DPYSL3: variants seen among roughly 807,000 people sequenced by gnomAD.
DPYSL3 encodes dihydropyrimidinase-related protein 3.
DPYSL3 carries 16 observed loss-of-function variants against 66.1 expected under a neutral mutation model. The ratio of observed to expected loss-of-function variants is 0.24; its 90% CI spans 0.16 to 0.37. DPYSL3 has a LOEUF of 0.37. Among genes scored for constraint, DPYSL3 ranks in the 10% least tolerant of loss-of-function variants. The probability of loss-of-function intolerance (pLI) is 1.00; values close to 1 mark genes in which losing one functional copy is unlikely to be tolerated. For synonymous variants in DPYSL3, 338 were observed against 345.1 expected (o/e 0.98, Z 0.23); for missense variants, 738 against 916.2 (o/e 0.81, Z 2.51).
At chr5:147,421,451 T>C (rs1202629691) in intron 2 of DPYSL3, among the ~76,000 whole-genome samples, 1 of 152,192 alleles carries the variant, frequency 6.6e-6, no homozygotes, top group Non-Finnish European at 1.5e-5. Flanking sequence ...AATTTATAGA[T>C]TCAATGCTAT....
chr5:147,444,243 G>C (rs1561790707), intron 1 of DPYSL3, among the ~76,000 whole-genome samples: 1 of 152,138 alleles, frequency 6.6e-6, no homozygotes, highest in Non-Finnish European at 1.5e-5. Flanking sequence ...TAAGCCTTGT[G>C]TGATATTAGG....
Position 147,397,750 on chromosome 5 carries a change from C to A in DPYSL3, c.1719G>T (p.Leu573=). ...AGCGGCCAGCCCCCTGGGTCACGTG[C>A]AGGTTGCCATCTTCCAGCATGATCT... The part of the protein sequence containing the change: ...QGKIMLEDGN[L]HVTQGAGRFI... The change falls in exon 12 of 14, where the codon CTG becomes CTT. Residue 573 remains leucine (L), a synonymous_variant. Coordinates refer to ENST00000343218, the MANE Select transcript of DPYSL3 (RefSeq NM_001197294.2). 1 of 1,614,176 alleles carries A rather than the reference C, an allele frequency of 6.2e-7. No homozygotes were observed. The highest frequency in any genetic ancestry group is 1.1e-5 in the South Asian group (1 of 91,090).
chr5:147,504,902 T>C (rs1033804701), intron 1 of DPYSL3, among the ~76,000 whole-genome samples: 1 of 152,246 alleles, frequency 6.6e-6, no homozygotes, highest in Non-Finnish European at 1.5e-5. Context: ...TAATTTGCTC[T>C]TGGCAGGCCA....
intron 1 of DPYSL3, chr5:147,453,680 A>C: frequency 1.4e-6 from 2 of 1,440,176 alleles, no homozygotes. Flanking sequence ...CCCCGAGATC[A>C]GGTGGAGTGA....
intron 2 of DPYSL3, among the ~76,000 whole-genome samples, chr5:147,423,759 G>T (rs563807463): frequency 6.6e-6 from 1 of 152,182 alleles, no homozygotes; most frequent in Admixed American, 6.5e-5. Context: ...GTCACCCAGG[G>T]TGGAGTGCTG....
intron 6 of DPYSL3, among the ~76,000 whole-genome samples, chr5:147,411,201 A>G (rs1751845962): frequency 6.6e-6 from 1 of 152,210 alleles, no homozygotes; most frequent in Non-Finnish European, 1.5e-5. Context: ...TGATTTCATT[A>G]TCTTTGGGTG....
chr5:147,397,893 G>GGA (rs776242282), intron 11 of DPYSL3, 48 bp from the exon 12 acceptor site: 5 of 1,511,394 alleles, frequency 3.3e-6, no homozygotes, highest in Non-Finnish European at 3.6e-6. Flanking sequence ...TAGAGAAAGA[G>GGA]GAACGTACCT....
intron 6 of DPYSL3, among the ~76,000 whole-genome samples, chr5:147,410,723 C>G (rs1751835109): frequency 6.6e-6 from 1 of 152,208 alleles, no homozygotes; most frequent in African/African-American, 2.4e-5. Context: ...TACCCAAAGG[C>G]AAAGATTCCT....
chr5:147,403,071 T>C (rs1426696325), intron 8 of DPYSL3, among the ~76,000 whole-genome samples: 2 of 152,194 alleles, frequency 1.3e-5, no homozygotes, highest in Non-Finnish European at 2.9e-5. Context: ...CTGGTAATAG[T>C]TGCCTAGAAT....
At chr5:147,431,569 A>T (rs1338093856) in intron 1 of DPYSL3, among the ~76,000 whole-genome samples, 1 of 152,112 alleles carries the variant, frequency 6.6e-6, no homozygotes, top group Non-Finnish European at 1.5e-5. Flanking sequence ...TATTTCTTAC[A>T]ATTATAACCA....
intron 1 of DPYSL3, among the ~76,000 whole-genome samples, chr5:147,501,751 T>C (rs576184788): frequency 1.3e-4 from 20 of 152,216 alleles, no homozygotes; most frequent in East Asian, 5.8e-4. Context: ...AGTGCTGGGA[T>C]TACAGGCGTG....
intron 1 of DPYSL3, among the ~76,000 whole-genome samples, chr5:147,429,281 G>T (rs930910082): frequency 2.0e-5 from 3 of 152,180 alleles, no homozygotes; most frequent in African/African-American, 7.2e-5. Context: ...CTGTCTTGCA[G>T]CCCAGCAGGG....
At chr5:147,480,703 A>ATATTATTAT (rs10665228) in intron 1 of DPYSL3, among the ~76,000 whole-genome samples, 158 of 142,464 alleles carry the variant, frequency 1.1e-3, no homozygotes, top group East Asian at 7.7e-3. Flanking sequence ...GAATATATAT[A>ATATTATTAT]TATTATTATT....
At chr5:147,449,420 T>C (rs1752686180) in intron 1 of DPYSL3, among the ~76,000 whole-genome samples, 1 of 152,204 alleles carries the variant, frequency 6.6e-6, no homozygotes, top group Non-Finnish European at 1.5e-5. Flanking sequence ...AAACTTTCAA[T>C]GCAAAACAAA....
At chr5:147,491,493 A>C (rs2126447526) in intron 1 of DPYSL3, among the ~76,000 whole-genome samples, 1 of 152,338 alleles carries the variant, frequency 6.6e-6, no homozygotes, top group East Asian at 1.9e-4. Context: ...GATCAAAAGA[A>C]GGCATTTAGA....
intron 1 of DPYSL3, among the ~76,000 whole-genome samples, chr5:147,490,058 C>T (rs542089259): frequency 1.2e-4 from 19 of 152,176 alleles, no homozygotes; most frequent in East Asian, 3.9e-4. Context: ...CTCTTATGGC[C>T]CCTGCACCCC....
intron 1 of DPYSL3, among the ~76,000 whole-genome samples, chr5:147,439,378 GA>G (rs34893040): frequency 0.5 from 74,143 of 148,148 alleles, 18,697 homozygotes; most frequent in Non-Finnish European, 0.54. Context: ...GTCCTAGGGA[GA>G]AAAAAAAAAA....
chr5:147,441,103 CCCT>C (rs1752524176), intron 1 of DPYSL3, among the ~76,000 whole-genome samples: 2 of 151,922 alleles, frequency 1.3e-5, no homozygotes, highest in African/African-American at 4.8e-5. Context: ...ATTTGGGGCT[CCCT>C]TTTCTGCTCT....
At chr5:147,400,042 C>G (rs981775488) in intron 10 of DPYSL3, among the ~76,000 whole-genome samples, 7 of 151,196 alleles carry the variant, frequency 4.6e-5, no homozygotes, top group African/African-American at 1.7e-4. Flanking sequence ...GTATACATAA[C>G]TTTGATAAGA....
Sources: allele counts gnomAD v4.1 joint callset (sites outside exome capture counted in the v4.1 genomes callset), GRCh38; gene constraint gnomAD v4.1.1; transcripts MANE v1.5; gene names NCBI Gene and HGNC (gene_info 2026-07-23, HGNC 2026-07-21).